The following ZNF148 variants were observed in gnomAD, a reference collection of about 807,000 sequenced individuals.
ZNF148 encodes zinc finger protein 148.
Under a neutral mutation model 67.7 loss-of-function variants are expected in ZNF148, and 7 were observed. The observed-to-expected ratio is 0.10, with a 90% CI of 0.06 to 0.19. The LOEUF (loss-of-function observed/expected upper bound fraction) is 0.19, where lower values mean the gene tolerates loss of function less well. Among genes scored for constraint, ZNF148 ranks in the 10% least tolerant of loss-of-function variants. ZNF148 has a pLI of 1.00. For missense variants in ZNF148, 583 were observed against 947.1 expected, an observed-to-expected ratio of 0.62 and a Z score of 5.05; for synonymous variants, 333 against 330.7, an observed-to-expected ratio of 1.01 and a Z score of -0.08.
At chr3:125,332,410 A>G (rs1277279731) in intron 1 of ZNF148, among the ~76,000 whole-genome samples, 1 of 152,208 alleles carries the variant, frequency 6.6e-6, no homozygotes, top group Non-Finnish European at 1.5e-5. Flanking sequence ...AAAAGCTATA[A>G]AACTATACTA....
At chr3:125,342,419 T>C (rs2107737862) in intron 1 of ZNF148, among the ~76,000 whole-genome samples, 1 of 151,270 alleles carries the variant, frequency 6.6e-6, no homozygotes, top group South Asian at 2.1e-4. Context: ...GAACACCAAT[T>C]CAAATGACAC....
chr3:125,322,851 C>T (rs1406137269), intron 3 of ZNF148, among the ~76,000 whole-genome samples: 1 of 152,084 alleles, frequency 6.6e-6, no homozygotes, highest in Non-Finnish European at 1.5e-5. Flanking sequence ...GGCATACATA[C>T]AACATGTATA....
intron 7 of ZNF148, among the ~76,000 whole-genome samples, chr3:125,234,773 C>G (rs1019209572): frequency 6.6e-6 from 1 of 152,000 alleles, no homozygotes; most frequent in African/African-American, 2.4e-5. Flanking sequence ...AATCTGAATC[C>G]TGAAAATATC....
At chr3:125,358,416 C>T (rs553187789) in intron 1 of ZNF148, among the ~76,000 whole-genome samples, 5 of 152,204 alleles carry the variant, frequency 3.3e-5, no homozygotes, top group African/African-American at 1.2e-4. Context: ...TTTATCAGCT[C>T]CTACCAAATC....
chr3:125,346,474 T>C (rs2107747596), intron 1 of ZNF148, among the ~76,000 whole-genome samples: 1 of 152,326 alleles, frequency 6.6e-6, no homozygotes, highest in East Asian at 1.9e-4. Context: ...AGGTAAATGA[T>C]ATGATTTGGT....
intron 7 of ZNF148, among the ~76,000 whole-genome samples, chr3:125,255,546 C>A (rs6784650): frequency 6.6e-6 from 1 of 151,932 alleles, no homozygotes; most frequent in African/African-American, 2.4e-5. Context: ...CATGCCTGGC[C>A]CACTCTTGAC....
intron 7 of ZNF148, among the ~76,000 whole-genome samples, chr3:125,251,706 C>T (rs962848813): frequency 1.3e-5 from 2 of 152,162 alleles, no homozygotes; most frequent in Admixed American, 6.5e-5. Context: ...GTGGTAGATT[C>T]TTGATGGAAA....
chr3:125,308,871 A>G lies in ZNF148; in HGVS notation c.333+4437T>C, dbSNP rs570644663. 3.3e-5 allele frequency among the ~76,000 whole-genome samples: 5 copies of G among 152,372 alleles called. No individual in the cohort carries two copies. In the South Asian group the frequency reaches 1.0e-3, roughly 32 times the overall value. ...AGTAACCACAAAAAGGAGGATGAAT[A>G]AACAAATTTTGATATTAATTAAAAT... On this transcript the variant is annotated intron_variant, in intron 4 of 8. Coordinates refer to ENST00000360647, the MANE Select transcript of ZNF148 (RefSeq NM_021964.3).
At chr3:125,237,134 A>G (rs1462237847) in intron 7 of ZNF148, among the ~76,000 whole-genome samples, 1 of 152,214 alleles carries the variant, frequency 6.6e-6, no homozygotes, top group Non-Finnish European at 1.5e-5. Context: ...AAGGCAGAGG[A>G]GCCAGTGAAG....
intron 7 of ZNF148, among the ~76,000 whole-genome samples, chr3:125,267,057 AAC>A (rs1418796155): frequency 6.6e-6 from 1 of 151,122 alleles, no homozygotes; most frequent in South Asian, 2.1e-4. Flanking sequence ...ACTAATAAAA[AAC>A]ACACCAACCA....
intron 1 of ZNF148, among the ~76,000 whole-genome samples, chr3:125,333,898 A>G (rs562248078): frequency 3.3e-5 from 5 of 152,358 alleles, no homozygotes; most frequent in African/African-American, 7.2e-5. Flanking sequence ...ACCACTGTTA[A>G]GTAGGGAACT....
intron 4 of ZNF148, among the ~76,000 whole-genome samples, chr3:125,291,285 TA>T (rs1938998396): frequency 6.6e-6 from 1 of 152,150 alleles, no homozygotes; most frequent in African/African-American, 2.4e-5. Flanking sequence ...AATATAAAAC[TA>T]TTTCCTTAAC....
rs114466127 is a variant in ZNF148, at chr3:125,310,531, A to G, written c.333+2777T>C. Among the ~76,000 whole-genome samples the G allele has an allele frequency of 4.8e-3, 731 of 152,286 alleles. 6 individuals carry two copies. Among genetic ancestry groups the G allele is most frequent in the African/African-American group, 0.017 (698 of 41,542 alleles). Reference sequence around the variant, plus strand: ...TATTAGAAACAAAAAATCTAAAATGAATACGCTTCCACTTTAGGAAAGTAG... The same window carrying G: ...TATTAGAAACAAAAAATCTAAAATGGATACGCTTCCACTTTAGGAAAGTAG... On this transcript the variant is annotated intron_variant, in intron 4 of 8. Transcript: ENST00000360647.
chr3:125,368,062 T>C (rs1942756155), intron 1 of ZNF148, among the ~76,000 whole-genome samples: 2 of 152,230 alleles, frequency 1.3e-5, no homozygotes, highest in South Asian at 4.1e-4. Context: ...AGGAATCTTT[T>C]CAAATATAAG....
At chr3:125,312,560 G>A (rs980275846) in intron 4 of ZNF148, among the ~76,000 whole-genome samples, 1 of 152,214 alleles carries the variant, frequency 6.6e-6, no homozygotes, top group African/African-American at 2.4e-5. Flanking sequence ...GGCTGATGAT[G>A]ATGGAGCACT....
rs1403916762 is a variant in ZNF148, at chr3:125,233,434, T to C, written c.1292A>G (p.Asp431Gly). Residue 431 changes from aspartate to glycine, a missense_variant, in exon 9 of 9, where the codon GAT becomes GGT. Asp to Gly is a moderately conservative substitution (Grantham distance 94, BLOSUM62 -1). This residue lies in a region of ZNF148 where 172 missense variants were observed against 307.7 expected (regional missense o/e 0.56). Transcript: ENST00000360647. This position sits in a 1 kb window ranked among gnomAD's most constrained non-coding sequence, Gnocchi z 5.1. ...TTCTGAGTCCAGTAAAGCCTGTTTATCCACAAGTTCAAAAGCATACTTTGA... is the reference window on the plus strand; with the variant it reads ...TTCTGAGTCCAGTAAAGCCTGTTTACCCACAAGTTCAAAAGCATACTTTGA... ...KVSKYAFELV[D>G]KQALLDSEGN... 2 of 1,614,002 alleles carry C rather than the reference T, an allele frequency of 1.2e-6. No homozygotes were observed. Among genetic ancestry groups the C allele is most frequent in the South Asian group, 1.1e-5 (1 of 91,084 alleles).
intron 3 of ZNF148, among the ~76,000 whole-genome samples, chr3:125,319,818 C>A (rs1050824806): frequency 6.6e-6 from 1 of 152,202 alleles, no homozygotes; most frequent in African/African-American, 2.4e-5. Flanking sequence ...ACCAGACTTA[C>A]CTGACTCAAT....
chr3:125,279,283 T>C (rs1242616401), intron 5 of ZNF148, 36 bp from the exon 6 acceptor site: 19 of 1,434,684 alleles, frequency 1.3e-5, no homozygotes, highest in Admixed American at 4.8e-5. Context: ...ACAAAAGAAA[T>C]AAGTTTTTAA....
intron 1 of ZNF148, among the ~76,000 whole-genome samples, chr3:125,370,397 C>T (rs1260720593): frequency 6.6e-6 from 1 of 152,200 alleles, no homozygotes; most frequent in African/African-American, 2.4e-5. Flanking sequence ...TAACAGTGAA[C>T]ACTACTTTCT....
Sources: gnomAD v4.1 joint callset for allele counts (sites outside exome capture counted in the v4.1 genomes callset) on GRCh38, gnomAD v4.1.1 for gene constraint, gnomAD v4.1.1 regional missense constraint, Gnocchi (gnomAD v3.1) non-coding constraint, MANE v1.5 for transcripts, NCBI Gene and HGNC (gene_info 2026-07-23, HGNC 2026-07-21) for gene names.